The following LRP1B variants were observed in gnomAD, a reference collection of about 807,000 sequenced individuals.
LRP1B encodes low-density lipoprotein receptor-related protein 1B.
Under a neutral mutation model 556.6 loss-of-function variants are expected in LRP1B, and 217 were observed. The observed-to-expected ratio is 0.39, with a 90% CI of 0.35 to 0.44. The LOEUF is 0.44. Among genes scored for constraint, LRP1B ranks in the 20% least tolerant of loss-of-function variants. The pLI, the probability that LRP1B is intolerant of heterozygous loss-of-function variation, is 1.00. For synonymous variants in LRP1B, 2,047 were observed against 1,865.8 expected (o/e 1.10, Z -2.50); for missense variants, 5,053 against 5,620.8 (o/e 0.90, Z 3.23).
chr2:140,715,015 G>T (rs1414277758), intron 37 of LRP1B, among the ~76,000 whole-genome samples: 1 of 152,178 alleles, frequency 6.6e-6, no homozygotes, highest in East Asian at 1.9e-4. Context: ...AATATAAGAA[G>T]AGCATTGCAG....
chr2:141,589,634 C>T (rs939354176), intron 2 of LRP1B, among the ~76,000 whole-genome samples: 1 of 152,072 alleles, frequency 6.6e-6, no homozygotes, highest in African/African-American at 2.4e-5. Flanking sequence ...TAAGGAAACA[C>T]TTATAAGAGA....
chr2:141,511,164 G>T (rs1389339135), intron 2 of LRP1B, among the ~76,000 whole-genome samples: 7 of 152,124 alleles, frequency 4.6e-5, no homozygotes, highest in Non-Finnish European at 4.4e-5. Flanking sequence ...ATGAAAATAT[G>T]TGGTGCAGTT....
chr2:142,019,743 A>T (rs1008617711), intron 1 of LRP1B, among the ~76,000 whole-genome samples: 1 of 152,136 alleles, frequency 6.6e-6, no homozygotes, highest in Admixed American at 6.5e-5. Context: ...CAGGATGACC[A>T]TTGACTTCCA....
intron 12 of LRP1B, among the ~76,000 whole-genome samples, chr2:141,017,927 G>A (rs1697953378): frequency 6.6e-6 from 1 of 151,542 alleles, no homozygotes; most frequent in Non-Finnish European, 1.5e-5. Context: ...CTTGAGTCCA[G>A]GCTATCGAGG....
chr2:140,358,929 A>G lies in LRP1B; in HGVS notation c.11149T>C (p.Ser3717Pro), dbSNP rs764133500. The change falls in exon 73 of 91, where the codon TCC (serine) becomes CCC (proline). Residue 3717 changes from serine to proline, a missense_variant. Around this residue, in one of 5 missense-constraint regions of LRP1B, gnomAD observed 599 missense variants for 648.4 expected, o/e 0.92. Coordinates refer to ENST00000389484, the MANE Select transcript of LRP1B (RefSeq NM_018557.3). ...PDMCVKFLCP[S>P]TRPHRCRNNR... The stretch of plus-strand genomic sequence containing the variant: ...TTTCTGCATCTGTGAGGTCTCGTGG[A>G]TGGACAAAGAAATTTGACTGAAGAA... The G allele has an allele frequency of 2.5e-6, 4 of 1,607,716 alleles. No homozygotes were observed. The highest frequency in any genetic ancestry group is 2.7e-5 in the African/African-American group (2 of 74,752).
At chr2:140,912,333 T>C (rs16844936) in intron 21 of LRP1B, among the ~76,000 whole-genome samples, 9,262 of 151,746 alleles carry the variant, frequency 0.061, 367 homozygotes, top group Middle Eastern at 0.099. Flanking sequence ...TCATTGGACA[T>C]AAAATCTTGA....
At chr2:141,166,938 A>G (rs1444569394) in intron 7 of LRP1B, among the ~76,000 whole-genome samples, 2 of 152,002 alleles carry the variant, frequency 1.3e-5, no homozygotes, top group East Asian at 1.9e-4. Flanking sequence ...AGCAAATTCA[A>G]TTATAACATA....
chr2:140,574,657 A>G (rs1254287116), intron 43 of LRP1B, among the ~76,000 whole-genome samples: 1 of 152,214 alleles, frequency 6.6e-6, no homozygotes, highest in Non-Finnish European at 1.5e-5. Flanking sequence ...ATGACAAAAA[A>G]TAAGCAGCTA....
At chr2:140,526,452 T>G in intron 47 of LRP1B, 102 bp from the exon 48 acceptor site, 1 of 846,212 alleles carries the variant, frequency 1.2e-6, no homozygotes, top group South Asian at 1.7e-5. Context: ...TTGTTTGGTT[T>G]TGCTTTCGTA....
intron 1 of LRP1B, among the ~76,000 whole-genome samples, chr2:141,980,526 G>A (rs1481994334): frequency 2.6e-5 from 4 of 152,056 alleles, no homozygotes; most frequent in Non-Finnish European, 4.4e-5. Flanking sequence ...TTGAAAGCCT[G>A]TATCTGACAT....
chr2:140,651,500 A>T (rs1413494412), intron 41 of LRP1B, among the ~76,000 whole-genome samples: 1 of 146,346 alleles, frequency 6.8e-6, no homozygotes, highest in African/African-American at 2.5e-5. Flanking sequence ...CTTAAAGTAT[A>T]ATTAAAAAAA....
intron 66 of LRP1B, among the ~76,000 whole-genome samples, chr2:140,431,583 T>TA (rs1217105282): frequency 1.3e-5 from 2 of 152,196 alleles, no homozygotes; most frequent in African/African-American, 4.8e-5. Flanking sequence ...TCTTAACTCT[T>TA]AAAGTAAATA....
intron 84 of LRP1B, among the ~76,000 whole-genome samples, chr2:140,283,024 AG>A (rs751176942): frequency 1.3e-5 from 2 of 151,798 alleles, no homozygotes; most frequent in Non-Finnish European, 2.9e-5. Context: ...TTTCTGGAAA[AG>A]TTTTATAATT....
At chr2:142,065,920 C>T (rs1445666604) in intron 1 of LRP1B, among the ~76,000 whole-genome samples, 2 of 151,280 alleles carry the variant, frequency 1.3e-5, no homozygotes, top group Non-Finnish European at 3.0e-5. Flanking sequence ...TATGACTCAT[C>T]CTGGATCAAA....
At position 141,047,876 on chromosome 2, in the gene LRP1B, A is replaced by C. The variant is rs555568141; in HGVS notation, c.1789+1110T>G. ...ATGTTTCTCCATTAAGATCTAGTCC[A>C]AACACCATCTCCTGCCGAAGGAGTT... On this transcript the variant is annotated intron_variant, in intron 11 of 90. Coordinates refer to ENST00000389484, the MANE Select transcript of LRP1B (RefSeq NM_018557.3). Among the ~76,000 whole-genome samples the C allele has an allele frequency of 7.2e-5, 11 of 152,258 alleles. No individual in the cohort carries two copies. The South Asian group carries it at 2.3e-3, about 32-fold the overall frequency.
At chr2:140,430,067 A>G (rs969553460) in intron 66 of LRP1B, among the ~76,000 whole-genome samples, 2 of 151,522 alleles carry the variant, frequency 1.3e-5, no homozygotes, top group African/African-American at 4.9e-5. Context: ...AATTCACTCC[A>G]TTTCCCCATA....
At chr2:141,278,499 A>T (rs1262872506) in intron 3 of LRP1B, among the ~76,000 whole-genome samples, 1 of 152,166 alleles carries the variant, frequency 6.6e-6, no homozygotes, top group Non-Finnish European at 1.5e-5. Context: ...AATTAACTAC[A>T]TGTACTGGGT....
chr2:140,918,414 ATG>A (rs1694643210), intron 21 of LRP1B, among the ~76,000 whole-genome samples: 1 of 152,056 alleles, frequency 6.6e-6, no homozygotes, highest in Admixed American at 6.6e-5. Context: ...CACTCCTCAA[ATG>A]CATGAATATA....
chr2:140,412,882 C>CA (rs1377751733), intron 66 of LRP1B, among the ~76,000 whole-genome samples: 3 of 152,056 alleles, frequency 2.0e-5, no homozygotes, highest in African/African-American at 7.2e-5. Flanking sequence ...AGATAAATTT[C>CA]AAAAAATTCA....
Sources: allele counts gnomAD v4.1 joint callset (sites outside exome capture counted in the v4.1 genomes callset), GRCh38; gene constraint gnomAD v4.1.1; regional missense constraint gnomAD v4.1.1; transcripts MANE v1.5; gene names NCBI Gene and HGNC (gene_info 2026-07-23, HGNC 2026-07-21).